Variants in RIN2 observed in about 807,000 individuals in gnomAD.
RIN2 encodes the protein Ras and Rab interactor 2, also known as RAB5 interacting protein 2.
In RIN2, 36 loss-of-function variants were observed where a neutral mutation model predicts 78.0. That is an observed-to-expected ratio of 0.46 (90% CI 0.35 to 0.61). The LOEUF is 0.61. Among genes scored for constraint, RIN2 ranks in the 20% least tolerant of loss-of-function variants. The pLI is 0.00. For missense variants in RIN2, 1,087 were observed against 1,159.7 expected (o/e 0.94, Z 0.91); for synonymous variants, 466 against 466.8 (o/e 1.00, Z 0.02).
intron 4 of RIN2, among the ~76,000 whole-genome samples, chr20:19,936,226 C>T (rs571889323): frequency 1.3e-5 from 2 of 152,300 alleles, no homozygotes; most frequent in South Asian, 4.2e-4. Context: ...CTCTACAAAA[C>T]GATGGGGGTG....
chr20:19,974,529 C>T (rs2042204030), intron 8 of RIN2, 125 bp from the exon 9 acceptor site: 1 of 931,442 alleles, frequency 1.1e-6, no homozygotes, highest in Non-Finnish European at 1.6e-6. Context: ...AACCTGAGTA[C>T]AACGCACCCC....
chr20:19,906,055 T>C (rs1418953516), intron 3 of RIN2, among the ~76,000 whole-genome samples: 1 of 151,684 alleles, frequency 6.6e-6, no homozygotes, highest in Non-Finnish European at 1.5e-5. Flanking sequence ...CCCCAGAGAG[T>C]AAGTGGCAGA....
rs140793443 is a variant in RIN2, at chr20:19,883,025, C to T, written c.-36-6541C>T. 5.8e-4 allele frequency among the ~76,000 whole-genome samples: 89 copies of T among 152,280 alleles called. 1 individual carries two copies. In the South Asian group the frequency reaches 8.3e-3, roughly 14 times the overall value. On this transcript the variant is annotated intron_variant, in intron 2 of 12. Transcript: ENST00000255006. The stretch of plus-strand genomic sequence containing the variant: ...TTAAAAGTTGTACTCAGATTTTTGA[C>T]GGCTCAGAACCCTTACCCCATCCAT...
At chr20:19,911,062 T>G (rs1475905813) in intron 3 of RIN2, among the ~76,000 whole-genome samples, 1 of 152,078 alleles carries the variant, frequency 6.6e-6, no homozygotes, top group Non-Finnish European at 1.5e-5. Flanking sequence ...GTAAATTTTT[T>G]TTTTTGAGAC....
chr20:19,919,192 T>C (rs1189885689), intron 3 of RIN2, among the ~76,000 whole-genome samples: 1 of 151,810 alleles, frequency 6.6e-6, no homozygotes, highest in Non-Finnish European at 1.5e-5. Context: ...CCAGAGAGGG[T>C]TTTAGGGAGA....
intron 3 of RIN2, among the ~76,000 whole-genome samples, chr20:19,923,170 C>T (rs2039997464): frequency 6.6e-6 from 1 of 152,178 alleles, no homozygotes; most frequent in African/African-American, 2.4e-5. Flanking sequence ...GTAATCGCAG[C>T]ACTTTGGGAG....
chr20:19,949,863 C>T (rs1490066832), intron 4 of RIN2, among the ~76,000 whole-genome samples: 3 of 152,098 alleles, frequency 2.0e-5, no homozygotes, highest in Admixed American at 6.5e-5. Flanking sequence ...TGCTCTGTGT[C>T]GATGGTTTCT....
rs8114251 is a variant in RIN2 at position 19,863,311 on chromosome 20, G to A, written c.-36-26255G>A. The stretch of plus-strand genomic sequence containing the variant: ...AGGGCTCACCTGTCATAGATGTTGT[G>A]CGTTACATGAAACCATGTATGTGCC... On this transcript the variant is annotated intron_variant, in intron 2 of 12. Transcript: ENST00000255006. Among the ~76,000 whole-genome samples, 467 of 152,224 alleles carry A rather than the reference G, an allele frequency of 3.1e-3. 2 individuals carry two copies. The highest frequency in any genetic ancestry group is 0.01 in the African/African-American group (427 of 41,522).
At chr20:19,802,779 A>C (rs1186409117) in intron 2 of RIN2, among the ~76,000 whole-genome samples, 2 of 152,146 alleles carry the variant, frequency 1.3e-5, no homozygotes, top group African/African-American at 4.8e-5. Context: ...TTCATGGTAC[A>C]CCAAGGAGTG....
chr20:19,975,436 G>C lies in RIN2; in HGVS notation c.1411G>C (p.Glu471Gln). 6.2e-7 allele frequency: 1 copy of C among 1,614,064 alleles called. No homozygotes were observed. The highest frequency in any genetic ancestry group is 8.5e-7 in the Non-Finnish European group (1 of 1,179,898). The change falls in exon 9 of 13, where the codon GAG becomes CAG. Residue 471 changes from glutamate (E) to glutamine (Q), a missense_variant. Coordinates refer to ENST00000255006, the MANE Select transcript of RIN2 (RefSeq NM_018993.4). The surrounding 1 kb of genome is among the most constrained non-coding windows in gnomAD (Gnocchi z 4.9). ...LEDYEGESDQ[E>Q]TMAPPIKSKK... Reference sequence around the variant, plus strand: ...GGACTACGAGGGGGAAAGTGACCAAGAGACCATGGCGCCCCCCATCAAGTC... The same window carrying C: ...GGACTACGAGGGGGAAAGTGACCAACAGACCATGGCGCCCCCCATCAAGTC...
chr20:19,922,156 G>A (rs1445019273), intron 3 of RIN2, among the ~76,000 whole-genome samples: 3 of 152,204 alleles, frequency 2.0e-5, no homozygotes, highest in Non-Finnish European at 4.4e-5. Flanking sequence ...GTGAGCCACT[G>A]CTCCCCGCCT....
intron 2 of RIN2, among the ~76,000 whole-genome samples, chr20:19,853,297 G>T (rs889809799): frequency 1.3e-5 from 2 of 152,108 alleles, no homozygotes; most frequent in African/African-American, 4.8e-5. Context: ...GGACATTTGG[G>T]TTGGTTCCAA....
At chr20:19,969,867 C>T (rs1436150931) in intron 7 of RIN2, among the ~76,000 whole-genome samples, 1 of 152,228 alleles carries the variant, frequency 6.6e-6, no homozygotes, top group Admixed American at 6.5e-5. Context: ...TGTGTCAGGA[C>T]AGTGTTGTGC....
chr20:19,912,494 T>TC (rs1158476402), intron 3 of RIN2, among the ~76,000 whole-genome samples: 5 of 148,766 alleles, frequency 3.4e-5, no homozygotes, highest in African/African-American at 7.5e-5. Flanking sequence ...TTTTTTTTTT[T>TC]TGAGATGAAG....
At chr20:19,902,517 A>G (rs771165802) in intron 3 of RIN2, among the ~76,000 whole-genome samples, 14 of 152,178 alleles carry the variant, frequency 9.2e-5, no homozygotes, top group Non-Finnish European at 1.5e-4. Context: ...CTCAAAGGCC[A>G]CCAGGAGGAC....
chr20:19,775,129 A>C (rs1304920217), intron 1 of RIN2, among the ~76,000 whole-genome samples: 1 of 152,202 alleles, frequency 6.6e-6, no homozygotes, highest in African/African-American at 2.4e-5. Context: ...GGGAGTCTGG[A>C]GCTTGAAAGA....
In RIN2 at chr20:19,975,142, G is replaced by T; in HGVS notation, c.1117G>T (p.Gly373Cys). ...GGCTTCTTTTCTGGAAGCAGAGGGC[G>T]GTGCAAAGACCTTGAGCGGCGGCCG... ...KQASFLEAEGGAKTLSGGRPG... is the reference protein window; with the variant it reads ...KQASFLEAEGCAKTLSGGRPG... The change falls in exon 9 of 13, where the codon GGT becomes TGT. Residue 373 changes from glycine to cysteine, a missense_variant. Around this residue, in one of 8 missense-constraint regions of RIN2, gnomAD observed 706 missense variants for 667.5 expected, o/e 1.06. Transcript: ENST00000255006. The surrounding 1 kb of genome is among the most constrained non-coding windows in gnomAD (Gnocchi z 4.9). The T allele has an allele frequency of 6.2e-7, 1 of 1,613,108 alleles. No homozygotes were observed. Among genetic ancestry groups the T allele is most frequent in the Admixed American group, 1.7e-5 (1 of 60,034 alleles).
rs1278893677 is a variant in RIN2 at position 19,808,262 on chromosome 20, C to T, written c.-37+8515C>T. Among the ~76,000 whole-genome samples, 5 of 152,232 alleles carry T rather than the reference C, an allele frequency of 3.3e-5. No individual in the cohort carries two copies. The South Asian group carries it at 8.3e-4, about 25-fold the overall frequency. On this transcript the variant is annotated intron_variant, in intron 2 of 12. Transcript: ENST00000255006. ...AAATTCACAGGCCACACCTGGCAGT[C>T]ACAGGCCGCCCCTCTCCTCCCTGAG...
intron 2 of RIN2, among the ~76,000 whole-genome samples, chr20:19,811,921 G>A (rs761546245): frequency 2.0e-5 from 3 of 152,026 alleles, no homozygotes; most frequent in Non-Finnish European, 4.4e-5. Context: ...CCAGTGTAGT[G>A]TTTTAGTAAA....
Sources: allele counts gnomAD v4.1 joint callset (sites outside exome capture counted in the v4.1 genomes callset), GRCh38; gene constraint gnomAD v4.1.1; regional missense constraint gnomAD v4.1.1; non-coding constraint Gnocchi (gnomAD v3.1); transcripts MANE v1.5; gene names NCBI Gene and HGNC (gene_info 2026-07-23, HGNC 2026-07-21).